The following GRM7 variants were observed in gnomAD, a reference collection of about 807,000 sequenced individuals.
GRM7 encodes the protein glutamate metabotropic receptor 7, also known as metabotropic glutamate receptor 7.
In GRM7, 35 loss-of-function variants were observed where a neutral mutation model predicts 84.5. The ratio of observed to expected loss-of-function variants is 0.41; its 90% CI spans 0.32 to 0.55. The LOEUF is 0.55. GRM7 is among the 20% of genes least tolerant of loss of function. The pLI, the probability that GRM7 is intolerant of heterozygous loss-of-function variation, is 0.19. For synonymous variants in GRM7, 487 were observed against 455.1 expected (o/e 1.07, Z -0.89); for missense variants, 1,003 against 1,194.6 (o/e 0.84, Z 2.36).
At chr3:7,543,447 C>T (rs1309499088) in intron 7 of GRM7, among the ~76,000 whole-genome samples, 1 of 152,234 alleles carries the variant, frequency 6.6e-6, no homozygotes, top group Non-Finnish European at 1.5e-5. Context: ...TCTTATGCAG[C>T]TTCTGTGCCT....
At chr3:7,272,425 G>T (rs1239547211) in intron 2 of GRM7, among the ~76,000 whole-genome samples, 2 of 152,178 alleles carry the variant, frequency 1.3e-5, no homozygotes, top group Non-Finnish European at 2.9e-5. Context: ...ACAGGAATAC[G>T]TGTTTTAGGT....
At chr3:7,224,948 T>A (rs1211822227) in intron 2 of GRM7, among the ~76,000 whole-genome samples, 1 of 152,208 alleles carries the variant, frequency 6.6e-6, no homozygotes, top group Non-Finnish European at 1.5e-5. Flanking sequence ...GTGCCTTGTG[T>A]ATTCTCATAT....
At chr3:7,657,556 C>A (rs1699260827) in intron 8 of GRM7, among the ~76,000 whole-genome samples, 1 of 152,080 alleles carries the variant, frequency 6.6e-6, no homozygotes, top group African/African-American at 2.4e-5. Context: ...GCAAAGAGAA[C>A]AAGAATTCCC....
At chr3:7,313,814 G>C (rs1700489986) in intron 4 of GRM7, among the ~76,000 whole-genome samples, 1 of 152,022 alleles carries the variant, frequency 6.6e-6, no homozygotes, top group South Asian at 2.1e-4. Context: ...AAATATCCAT[G>C]CAAGAATTGT....
intron 1 of GRM7, among the ~76,000 whole-genome samples, chr3:6,877,401 GA>G (rs1695348286): frequency 6.6e-6 from 1 of 152,154 alleles, no homozygotes; most frequent in Non-Finnish European, 1.5e-5. Flanking sequence ...GATTTGTTAT[GA>G]AAAGTGGGTA....
chr3:7,693,590 T>G (rs1476099990), intron 9 of GRM7: 10 of 1,246,326 alleles, frequency 8.0e-6, no homozygotes, highest in Non-Finnish European at 1.1e-5. Context: ...TCCTGTGGTT[T>G]GCCAAAGTCC....
intron 8 of GRM7, among the ~76,000 whole-genome samples, chr3:7,649,552 C>T (rs1019548840): frequency 9.9e-5 from 15 of 152,064 alleles, no homozygotes; most frequent in East Asian, 1.9e-4. Flanking sequence ...AGTGGTTCAA[C>T]GTGGCAGAGA....
intron 2 of GRM7, among the ~76,000 whole-genome samples, chr3:7,156,219 A>G (rs754484939): frequency 4.6e-5 from 7 of 152,192 alleles, no homozygotes; most frequent in African/African-American, 1.2e-4. Flanking sequence ...CAGGATGCTA[A>G]GTATGGGGGG....
intron 1 of GRM7, among the ~76,000 whole-genome samples, chr3:7,123,489 C>G (rs1190848963): frequency 5.3e-5 from 8 of 152,064 alleles, no homozygotes; most frequent in Non-Finnish European, 1.2e-4. Context: ...TGTGGTGGCT[C>G]GCGCTTGTAA....
At chr3:7,582,520 C>T (rs770377076) in intron 8 of GRM7, among the ~76,000 whole-genome samples, 7 of 151,840 alleles carry the variant, frequency 4.6e-5, no homozygotes, top group East Asian at 1.9e-4. Context: ...ATAGGAGGAC[C>T]GTGAGAAGAG....
intron 1 of GRM7, among the ~76,000 whole-genome samples, chr3:6,889,791 A>G (rs893791884): frequency 3.9e-5 from 6 of 152,126 alleles, no homozygotes; most frequent in African/African-American, 9.7e-5. Context: ...TGATTGGAAT[A>G]GTTTCAGAAG....
chr3:6,871,173 A>G (rs1361941328), intron 1 of GRM7, among the ~76,000 whole-genome samples: 1 of 152,174 alleles, frequency 6.6e-6, no homozygotes, highest in Non-Finnish European at 1.5e-5. Flanking sequence ...TATTCTGGTC[A>G]GACACCATAA....
At chr3:7,637,380 T>C (rs1318290721) in intron 8 of GRM7, among the ~76,000 whole-genome samples, 1 of 152,170 alleles carries the variant, frequency 6.6e-6, no homozygotes, top group Non-Finnish European at 1.5e-5. Context: ...TACAAAAGAA[T>C]GAATCACGTC....
At chr3:7,410,598 T>TATACACAC (rs1553585464) in intron 4 of GRM7, among the ~76,000 whole-genome samples, 17 of 142,688 alleles carry the variant, frequency 1.2e-4, no homozygotes, top group African/African-American at 3.5e-4. Flanking sequence ...TATATATATA[T>TATACACAC]ACACACACAC....
intron 1 of GRM7, among the ~76,000 whole-genome samples, chr3:6,898,771 A>T (rs1291832750): frequency 6.6e-6 from 1 of 151,706 alleles, no homozygotes; most frequent in Non-Finnish European, 1.5e-5. Context: ...CCCAGGAGCT[A>T]TGATTGCACC....
chr3:7,639,741 G>T (rs1229575693), intron 8 of GRM7, among the ~76,000 whole-genome samples: 1 of 152,090 alleles, frequency 6.6e-6, no homozygotes, highest in Non-Finnish European at 1.5e-5. Flanking sequence ...GCAGTGAAAT[G>T]TACAAGTCTT....
intron 8 of GRM7, among the ~76,000 whole-genome samples, chr3:7,678,247 C>T (rs1700218576): frequency 6.6e-6 from 1 of 152,120 alleles, no homozygotes; most frequent in African/African-American, 2.4e-5. Flanking sequence ...TGTGTACACA[C>T]ATACAAATAT....
chr3:7,664,611 T>A (rs1380591189), intron 8 of GRM7, among the ~76,000 whole-genome samples: 1 of 152,216 alleles, frequency 6.6e-6, no homozygotes, highest in Non-Finnish European at 1.5e-5. Context: ...ACTGCACCCA[T>A]CAACCCGTCA....
intron 2 of GRM7, among the ~76,000 whole-genome samples, chr3:7,264,568 C>CTTCCCCTTCAGCCCAGCATT (rs1698562252): frequency 6.6e-6 from 1 of 151,966 alleles, no homozygotes; most frequent in African/African-American, 2.4e-5. Context: ...TTGCCAGCTT[C>CTTCCCCTTCAGCCCAGCATT]TTCCCCTTCA....
Sources: gnomAD v4.1 joint callset for allele counts (sites outside exome capture counted in the v4.1 genomes callset) on GRCh38, gnomAD v4.1.1 for gene constraint, MANE v1.5 for transcripts, NCBI Gene and HGNC (gene_info 2026-07-23, HGNC 2026-07-21) for gene names.